The following GRID1 variants were observed in gnomAD, a reference collection of about 807,000 sequenced individuals.
GRID1 encodes glutamate receptor ionotropic, delta-1.
In GRID1, 28 loss-of-function variants were observed where a neutral mutation model predicts 98.0. That is an observed-to-expected ratio of 0.29 (90% CI 0.21 to 0.39). GRID1 has a LOEUF of 0.39. Among genes scored for constraint, GRID1 ranks in the 10% least tolerant of loss-of-function variants. The probability of loss-of-function intolerance (pLI) is 1.00; values close to 1 mark genes in which losing one functional copy is unlikely to be tolerated. For synonymous variants in GRID1, 553 were observed against 538.5 expected, an observed-to-expected ratio of 1.03 and a Z score of -0.37; for missense variants, 1,111 against 1,340.5, an observed-to-expected ratio of 0.83 and a Z score of 2.67.
chr10:86,127,569 G>A (rs10887557), intron 4 of GRID1, among the ~76,000 whole-genome samples: 3 of 151,968 alleles, frequency 2.0e-5, no homozygotes, highest in African/African-American at 4.8e-5. Flanking sequence ...CTCTTCTCCC[G>A]CTCTCTCTTG....
intron 13 of GRID1, among the ~76,000 whole-genome samples, chr10:85,643,721 GT>G (rs139253312): frequency 4.0e-5 from 6 of 149,614 alleles, no homozygotes; most frequent in South Asian, 2.1e-4. Context: ...CTGGCAGTCA[GT>G]TTTTTTTTTC....
At chr10:86,047,742 AG>A (rs774782206) in intron 4 of GRID1, among the ~76,000 whole-genome samples, 88 of 152,258 alleles carry the variant, frequency 5.8e-4, no homozygotes, top group African/African-American at 2.0e-3. Context: ...TGTGGTTTCT[AG>A]GGGGAAAAAA....
At chr10:85,754,772 T>C (rs1041586068) in intron 8 of GRID1, among the ~76,000 whole-genome samples, 3 of 152,204 alleles carry the variant, frequency 2.0e-5, no homozygotes, top group Non-Finnish European at 4.4e-5. Context: ...GTTCAAATTC[T>C]AGTTCCTCCC....
intron 12 of GRID1, among the ~76,000 whole-genome samples, chr10:85,710,572 T>C (rs1428853896): frequency 6.6e-6 from 1 of 152,092 alleles, no homozygotes; most frequent in Non-Finnish European, 1.5e-5. Context: ...ATGAATATTA[T>C]ACCTAAAGTA....
At chr10:85,999,303 T>C (rs1334735294) in intron 4 of GRID1, among the ~76,000 whole-genome samples, 1 of 84,106 alleles carries the variant, frequency 1.2e-5, no homozygotes, top group Non-Finnish European at 2.6e-5. Flanking sequence ...CCTATAAGTA[T>C]TAAATAAATG....
chr10:85,804,571 T>G (rs960302197), intron 8 of GRID1, among the ~76,000 whole-genome samples: 6 of 151,850 alleles, frequency 4.0e-5, no homozygotes, highest in Non-Finnish European at 5.9e-5. Context: ...AATCATAGAT[T>G]AATACCCTTC....
intron 8 of GRID1, among the ~76,000 whole-genome samples, chr10:85,788,474 G>C (rs1842450167): frequency 6.6e-6 from 1 of 152,152 alleles, no homozygotes; most frequent in Non-Finnish European, 1.5e-5. Context: ...GGTCTTATCT[G>C]TAACATCAAC....
intron 3 of GRID1, among the ~76,000 whole-genome samples, chr10:86,145,616 T>C (rs969160617): frequency 1.1e-4 from 17 of 151,688 alleles, no homozygotes; most frequent in African/African-American, 3.9e-4. Flanking sequence ...TACAGAGCCC[T>C]ACTCCTCCAT....
chr10:86,225,740 T>C (rs970889305), intron 2 of GRID1, among the ~76,000 whole-genome samples: 2 of 152,144 alleles, frequency 1.3e-5, no homozygotes, highest in African/African-American at 4.8e-5. Flanking sequence ...GCTCTTTGGG[T>C]GACAGGACCC....
chr10:86,182,278 C>G (rs1385594464), intron 3 of GRID1, among the ~76,000 whole-genome samples: 1 of 152,218 alleles, frequency 6.6e-6, no homozygotes, highest in African/African-American at 2.4e-5. Flanking sequence ...TCTCTCCCGG[C>G]CCCAAGCAGG....
chr10:85,737,770 A>G (rs1841901419), intron 8 of GRID1, among the ~76,000 whole-genome samples: 1 of 148,616 alleles, frequency 6.7e-6, no homozygotes, highest in African/African-American at 2.5e-5. Flanking sequence ...ATATATATGT[A>G]TAACCATACA....
At chr10:85,640,306 C>A (rs1428728538) in intron 13 of GRID1, among the ~76,000 whole-genome samples, 5 of 152,176 alleles carry the variant, frequency 3.3e-5, no homozygotes, top group Admixed American at 6.5e-5. Flanking sequence ...CTTACAAAAT[C>A]CCCAATCCAT....
intron 4 of GRID1, among the ~76,000 whole-genome samples, chr10:86,127,353 A>C (rs1844769533): frequency 6.6e-6 from 1 of 151,952 alleles, no homozygotes; most frequent in Admixed American, 6.6e-5. Flanking sequence ...CTGAAGAGTA[A>C]CTCTGCAGGC....
chr10:85,834,913 T>A (rs577567784), intron 8 of GRID1, among the ~76,000 whole-genome samples: 1 of 152,284 alleles, frequency 6.6e-6, no homozygotes, highest in Non-Finnish European at 1.5e-5. Flanking sequence ...GAAGAATAGA[T>A]TTTTTAAAAA....
chr10:86,222,114 C>T (rs1207653751), intron 2 of GRID1, among the ~76,000 whole-genome samples: 3 of 152,150 alleles, frequency 2.0e-5, no homozygotes, highest in Non-Finnish European at 4.4e-5. Context: ...CGGTGGTCCC[C>T]GAGGGTCCTG....
chr10:86,082,835 G>A (rs1343303200), intron 4 of GRID1, among the ~76,000 whole-genome samples: 2 of 152,084 alleles, frequency 1.3e-5, no homozygotes, highest in Non-Finnish European at 2.9e-5. Flanking sequence ...CCCTTTCTTT[G>A]CTTCCATTCT....
chr10:85,877,291 G>A (rs764371620), intron 5 of GRID1, among the ~76,000 whole-genome samples: 4 of 152,320 alleles, frequency 2.6e-5, no homozygotes, highest in East Asian at 1.9e-4. Context: ...ATCTGAGAAC[G>A]GGCAGACTGC....
rs989443449 is a variant in GRID1 at position 85,696,470 on chromosome 10, A to G, written c.1997+26533T>C. On this transcript the variant is annotated intron_variant, in intron 12 of 15. Transcript: ENST00000327946. The stretch of plus-strand genomic sequence containing the variant: ...CATGAAGAAGAGCAGAAAACTATTC[A>G]TGATGTTCAAGGAGCATACAGAAGC... Among the ~76,000 whole-genome samples, 5 of 152,132 alleles carry G rather than the reference A, an allele frequency of 3.3e-5. No homozygotes were observed. In the South Asian group the frequency reaches 6.2e-4, roughly 19 times the overall value.
intron 3 of GRID1, among the ~76,000 whole-genome samples, chr10:86,162,499 T>C (rs1845337560): frequency 6.6e-6 from 1 of 152,154 alleles, no homozygotes; most frequent in African/African-American, 2.4e-5. Flanking sequence ...GGGCAGCCAA[T>C]CTTGTTTGTC....
Sources: gnomAD v4.1 joint callset for allele counts (sites outside exome capture counted in the v4.1 genomes callset) on GRCh38, gnomAD v4.1.1 for gene constraint, MANE v1.5 for transcripts, NCBI Gene and HGNC (gene_info 2026-07-23, HGNC 2026-07-21) for gene names.